Variants in SLC7A14 observed in about 807,000 individuals in gnomAD.
The protein encoded by SLC7A14 is gamma-aminobutyric acid transporter SLC7A14.
Under a neutral mutation model 60.2 loss-of-function variants are expected in SLC7A14, and 37 were observed. The observed-to-expected ratio is 0.61, with a 90% CI of 0.47 to 0.81. The LOEUF is 0.81. Among genes scored for constraint, SLC7A14 ranks in the 30% least tolerant of loss-of-function variants. The probability of loss-of-function intolerance (pLI) is 0.00; values close to 1 mark genes in which losing one functional copy is unlikely to be tolerated. For missense variants in SLC7A14, 886 were observed against 982.7 expected (o/e 0.90, Z 1.32); for synonymous variants, 399 against 395.8 (o/e 1.01, Z -0.10).
At chr3:170,494,795 TTC>T (rs1318383214) in intron 4 of SLC7A14, among the ~76,000 whole-genome samples, 1 of 152,258 alleles carries the variant, frequency 6.6e-6, no homozygotes, top group African/African-American at 2.4e-5. Context: ...TCCTCCAAGA[TTC>T]TCTGACATCA....
chr3:170,585,185 G>A lies in SLC7A14; in HGVS notation c.-153+726C>T, dbSNP rs1275061624. Among the ~76,000 whole-genome samples the A allele has an allele frequency of 1.3e-5, 2 of 152,174 alleles. No individual in the cohort carries two copies. Among genetic ancestry groups the A allele is most frequent in the East Asian group, 3.9e-4 (2 of 5,162 alleles). On this transcript the variant is annotated intron_variant, in intron 1 of 7. Coordinates refer to ENST00000231706, the MANE Select transcript of SLC7A14 (RefSeq NM_020949.3). This position sits in a 1 kb window ranked among gnomAD's most constrained non-coding sequence, Gnocchi z 5.1. Reference sequence around the variant, plus strand: ...GGAATGGGAGAAGAGAGGAGACTGAGGGTTGAAGCAGTGCAGGAGAGCTCC... The same window carrying A: ...GGAATGGGAGAAGAGAGGAGACTGAAGGTTGAAGCAGTGCAGGAGAGCTCC...
chr3:170,506,858 A>G (rs551290385), intron 2 of SLC7A14, among the ~76,000 whole-genome samples: 2 of 152,242 alleles, frequency 1.3e-5, no homozygotes, highest in South Asian at 4.1e-4. Context: ...GGAAAATTCT[A>G]TTTTTAAGTG....
chr3:170,534,530 A>G (rs1201745169), intron 1 of SLC7A14, among the ~76,000 whole-genome samples: 1 of 152,190 alleles, frequency 6.6e-6, no homozygotes, highest in Non-Finnish European at 1.5e-5. Flanking sequence ...CTGATCCCTT[A>G]CTATGCACTA....
intron 1 of SLC7A14, among the ~76,000 whole-genome samples, chr3:170,560,038 C>G (rs1396950375): frequency 6.6e-6 from 1 of 152,198 alleles, no homozygotes; most frequent in East Asian, 1.9e-4. Flanking sequence ...TGAGTGACTT[C>G]AAGAATAATC....
chr3:170,520,479 G>A (rs1713310527), intron 2 of SLC7A14, among the ~76,000 whole-genome samples: 1 of 152,208 alleles, frequency 6.6e-6, no homozygotes. Context: ...TAGAGAAGAG[G>A]CAATTTCTTG....
chr3:170,507,046 G>A (rs1440524129), intron 2 of SLC7A14, among the ~76,000 whole-genome samples: 2 of 152,126 alleles, frequency 1.3e-5, no homozygotes, highest in Non-Finnish European at 2.9e-5. Context: ...TTAAATAAGT[G>A]TACTTTCACC....
At chr3:170,468,037 C>T (rs2108262249) in intron 7 of SLC7A14, among the ~76,000 whole-genome samples, 1 of 152,194 alleles carries the variant, frequency 6.6e-6, no homozygotes, top group African/African-American at 2.4e-5. Flanking sequence ...CTATTATGTC[C>T]CTTAGAACAT....
At chr3:170,494,959 GCTGA>G (rs1712334360) in intron 4 of SLC7A14, among the ~76,000 whole-genome samples, 1 of 152,230 alleles carries the variant, frequency 6.6e-6, no homozygotes. Context: ...CAGCCCCAGA[GCTGA>G]CTAAGTGAGG....
At chr3:170,559,788 T>C (rs1463686183) in intron 1 of SLC7A14, among the ~76,000 whole-genome samples, 1 of 152,208 alleles carries the variant, frequency 6.6e-6, no homozygotes, top group Non-Finnish European at 1.5e-5. Flanking sequence ...TATACTGCAG[T>C]TGTCTTCAGT....
chr3:170,536,012 C>T (rs1713824401), intron 1 of SLC7A14, among the ~76,000 whole-genome samples: 1 of 152,170 alleles, frequency 6.6e-6, no homozygotes, highest in Admixed American at 6.5e-5. Context: ...ATCAACAATA[C>T]CCGCTGTGTC....
At chr3:170,560,870 C>T (rs1431475507) in intron 1 of SLC7A14, among the ~76,000 whole-genome samples, 2 of 152,190 alleles carry the variant, frequency 1.3e-5, no homozygotes, top group Non-Finnish European at 2.9e-5. Flanking sequence ...ACTTTAACCA[C>T]GTGTCTTATA....
intron 7 of SLC7A14, among the ~76,000 whole-genome samples, chr3:170,474,951 A>G (rs1711567367): frequency 6.6e-6 from 1 of 152,350 alleles, no homozygotes; most frequent in Non-Finnish European, 1.5e-5. Flanking sequence ...GGCCCGAAGG[A>G]TGCCCTGGAA....
chr3:170,471,312 C>T (rs1739902120), intron 7 of SLC7A14, among the ~76,000 whole-genome samples: 2 of 152,306 alleles, frequency 1.3e-5, no homozygotes, highest in South Asian at 4.1e-4. Flanking sequence ...AACAATTTGG[C>T]TTAACGTTTT....
At position 170,520,979 on chromosome 3, in the gene SLC7A14, C is replaced by A. The variant is rs191700046; in HGVS notation, c.304+5654G>T. 7.2e-3 allele frequency among the ~76,000 whole-genome samples: 1,100 copies of A among 152,266 alleles called. 5 individuals carry two copies. The highest frequency in any genetic ancestry group is 0.012 in the Non-Finnish European group (793 of 68,022). ...CTCTCCAAAAGGCTGTAGGTGGGAA[C>A]CATGATGAAAAGAAACCTATTTCCT... On this transcript the variant is annotated intron_variant, in intron 2 of 7. Coordinates refer to ENST00000231706, the MANE Select transcript of SLC7A14 (RefSeq NM_020949.3).
chr3:170,515,419 A>G (rs2108288261), intron 2 of SLC7A14, among the ~76,000 whole-genome samples: 1 of 152,032 alleles, frequency 6.6e-6, no homozygotes. Context: ...GGCCTATATC[A>G]CTTTCCAGGT....
At chr3:170,554,161 A>G (rs1714427212) in intron 1 of SLC7A14, among the ~76,000 whole-genome samples, 1 of 152,198 alleles carries the variant, frequency 6.6e-6, no homozygotes, top group African/African-American at 2.4e-5. Context: ...GAGGATGAAA[A>G]CAATAAATGT....
intron 1 of SLC7A14, among the ~76,000 whole-genome samples, chr3:170,550,511 A>ACTTTTTTTTTTT (rs1714312381): frequency 1.8e-5 from 1 of 54,322 alleles, no homozygotes; most frequent in African/African-American, 1.5e-4. Flanking sequence ...TCTTTCCTTG[A>ACTTTTTTTTTTT]ATTTTTTTTT....
chr3:170,479,811 A>T (rs1711748970), intron 7 of SLC7A14, among the ~76,000 whole-genome samples: 1 of 152,228 alleles, frequency 6.6e-6, no homozygotes, highest in South Asian at 2.1e-4. Context: ...ATGCCAAAAA[A>T]TCCACACTTA....
At chr3:170,514,142 C>A (rs1285739081) in intron 2 of SLC7A14, among the ~76,000 whole-genome samples, 4 of 152,234 alleles carry the variant, frequency 2.6e-5, no homozygotes, top group African/African-American at 9.6e-5. Context: ...GTGGCCGTGG[C>A]TCCTTGTCTG....
Sources: allele counts gnomAD v4.1 joint callset (sites outside exome capture counted in the v4.1 genomes callset), GRCh38; gene constraint gnomAD v4.1.1; non-coding constraint Gnocchi (gnomAD v3.1); transcripts MANE v1.5; gene names NCBI Gene and HGNC (gene_info 2026-07-23, HGNC 2026-07-21).